MYO15A: variants seen among roughly 807,000 people sequenced by gnomAD.
The protein encoded by MYO15A is myosin XVA, also known as unconventional myosin-XV.
MYO15A carries 308 observed loss-of-function variants against 394.6 expected under a neutral mutation model. The observed-to-expected ratio is 0.78, with a 90% CI of 0.71 to 0.86. The LOEUF (loss-of-function observed/expected upper bound fraction) is 0.86. Among genes scored for constraint, MYO15A ranks in the 40% least tolerant of loss-of-function variants. The pLI, the probability that MYO15A is intolerant of heterozygous loss-of-function variation, is 0.00. For synonymous variants in MYO15A, 1,957 were observed against 2,003.8 expected, an observed-to-expected ratio of 0.98 and a Z score of 0.62; for missense variants, 4,606 against 4,799.1, an observed-to-expected ratio of 0.96 and a Z score of 1.19.
In MYO15A at chr17:18,145,967, G is replaced by T; in HGVS notation, c.6369G>T (p.Leu2123=). Reference sequence around the variant, plus strand: ...AGAAGGGGCTGGCGGTGCCTGAGCTGCGGGATGAGATCCTGGCACAGCTGG... The same window carrying T: ...AGAAGGGGCTGGCGGTGCCTGAGCTTCGGGATGAGATCCTGGCACAGCTGG... The part of the protein sequence containing the change: ...IVQKGLAVPE[L]RDEILAQLAN... Residue 2123 remains leucine (L), a synonymous_variant, in exon 30 of 66, where the codon CTG becomes CTT. Transcript: ENST00000647165. The T allele has an allele frequency of 1.2e-6, 2 of 1,613,742 alleles. No homozygotes were observed. The highest frequency in any genetic ancestry group is 1.7e-6 in the Non-Finnish European group (2 of 1,180,026).
At chr17:18,126,935 C>T in intron 6 of MYO15A, 70 bp downstream of exon 6, 4 of 1,601,872 alleles carry the variant, frequency 2.5e-6, no homozygotes, top group Non-Finnish European at 3.4e-6. Flanking sequence ...CTGGCCAGAA[C>T]TGCTGTGGGA....
chr17:18,131,648 G>A, intron 10 of MYO15A, 117 bp downstream of exon 10: 1 of 1,219,384 alleles, frequency 8.2e-7, no homozygotes, highest in South Asian at 1.3e-5. Flanking sequence ...ACGAATACAT[G>A]CGTACATGTG....
chr17:18,148,662 T>G lies in MYO15A; in HGVS notation c.6764+94T>G, dbSNP rs974372991. The G allele has an allele frequency of 4.5e-6, 7 of 1,545,084 alleles. No individual in the cohort carries two copies. Among genetic ancestry groups the G allele is most frequent in the African/African-American group, 2.7e-5 (2 of 72,882 alleles). On this transcript the variant is annotated intron_variant, in intron 32 of 65. Coordinates refer to ENST00000647165, the MANE Select transcript of MYO15A (RefSeq NM_016239.4). This position sits in a 1 kb window ranked among gnomAD's most constrained non-coding sequence, Gnocchi z 4.8. ...CCCCAGAGGGTCCCATAGGGTCCATTCTGTTCATGTTTAGGGTCTGGCTTA... is the reference window on the plus strand; with the variant it reads ...CCCCAGAGGGTCCCATAGGGTCCATGCTGTTCATGTTTAGGGTCTGGCTTA...
intron 47 of MYO15A, 45 bp from the exon 48 acceptor site, chr17:18,156,150 G>C (rs552954434): frequency 6.2e-7 from 1 of 1,613,352 alleles, no homozygotes; most frequent in African/African-American, 1.3e-5. Context: ...GTGGAAGGAG[G>C]GCATCCCTCT....
intron 57 of MYO15A, among the ~76,000 whole-genome samples, chr17:18,161,994 G>A (rs1313547715): frequency 6.6e-6 from 1 of 152,162 alleles, no homozygotes; most frequent in Non-Finnish European, 1.5e-5. Context: ...CCGTGGAGGA[G>A]ATAGGAGACC....
At chr17:18,128,102 C>T (rs978525021) in intron 7 of MYO15A, among the ~76,000 whole-genome samples, 5 of 152,020 alleles carry the variant, frequency 3.3e-5, no homozygotes, top group Middle Eastern at 6.8e-3. Context: ...CAGGTCAAAG[C>T]CAGCCAGCAA....
chr17:18,153,831 C>G lies in MYO15A; in HGVS notation c.8023C>G (p.Arg2675Gly). The change falls in exon 43 of 66, where the codon CGC (arginine) becomes GGC (glycine). Residue 2675 changes from arginine (R) to glycine (G), a missense_variant. Coordinates refer to ENST00000647165, the MANE Select transcript of MYO15A (RefSeq NM_016239.4). The surrounding 1 kb of genome is among the most constrained non-coding windows in gnomAD (Gnocchi z 4.1). ...GGAACTCACGCAGACGCGGCTGCAC[C>G]GCCTCATCAATCCCAACTTCTACGG... ...PEELTQTRLHRLINPNFYGYQ... is the reference protein window; with the variant it reads ...PEELTQTRLHGLINPNFYGYQ... The G allele has an allele frequency of 1.9e-6, 3 of 1,613,622 alleles. No homozygotes were observed. The highest frequency in any genetic ancestry group is 2.5e-6 in the Non-Finnish European group (3 of 1,179,986).
chr17:18,160,897 G>C, intron 56 of MYO15A: 1 of 361,248 alleles, frequency 2.8e-6, no homozygotes, highest in Non-Finnish European at 5.4e-6. Flanking sequence ...CTCCTCACTT[G>C]CTCTCCATCT....
intron 5 of MYO15A, 58 bp downstream of exon 5, chr17:18,126,514 G>C: frequency 6.6e-7 from 1 of 1,514,900 alleles, no homozygotes; most frequent in Non-Finnish European, 9.1e-7. Flanking sequence ...CCCCTGCTCT[G>C]GGAGCCTGGA....
rs1210184332 is a variant in MYO15A at position 18,121,248 on chromosome 17, G to A, written c.2448G>A (p.Arg816=). Reference sequence around the variant, plus strand: ...CGCCCTTCCTGCCCCCGGCCCGCCGGCCCCGCTCGCTGCAGGAGTCCCCAG... The same window carrying A: ...CGCCCTTCCTGCCCCCGGCCCGCCGACCCCGCTCGCTGCAGGAGTCCCCAG... ...FQPPFLPPAR[R]PRSLQESPAP... The change falls in exon 2 of 66, where the codon CGG becomes CGA. Residue 816 remains arginine (R), a synonymous_variant. Coordinates refer to ENST00000647165, the MANE Select transcript of MYO15A (RefSeq NM_016239.4). The surrounding 1 kb of genome is among the most constrained non-coding windows in gnomAD (Gnocchi z 5.3). 5.4e-6 allele frequency: 8 copies of A among 1,471,270 alleles called. No individual in the cohort carries two copies. The highest frequency in any genetic ancestry group is 5.1e-5 in the South Asian group (4 of 79,056). The allele number at this position is 1,471,270 out of a possible 1,614,324, so 91.1% of individuals were successfully genotyped here.
intron 63 of MYO15A, 121 bp downstream of exon 63, chr17:18,171,892 C>A: frequency 6.9e-7 from 1 of 1,442,310 alleles, no homozygotes; most frequent in Non-Finnish European, 9.2e-7. Context: ...GCCAGTCAAG[C>A]TGAGCACCTG....
chr17:18,153,853 A>G lies in MYO15A; in HGVS notation c.8045A>G (p.Tyr2682Cys). Residue 2682 changes from tyrosine (Y) to cysteine (C), a missense_variant, in exon 43 of 66, where the codon TAC (tyrosine) becomes TGC (cysteine). By Grantham distance (194) the Tyr-to-Cys change is radical (BLOSUM62 -2). This residue lies in a region of MYO15A where 2,776 missense variants were observed against 3,109.3 expected (regional missense o/e 0.89). Transcript: ENST00000647165. The surrounding 1 kb of genome is among the most constrained non-coding windows in gnomAD (Gnocchi z 4.1). ...RLHRLINPNFYGYQDAPWKIF... is the reference protein window; with the variant it reads ...RLHRLINPNFCGYQDAPWKIF... The stretch of plus-strand genomic sequence containing the variant: ...CACCGCCTCATCAATCCCAACTTCT[A>G]CGGCTATCAGGACGCCCCCTGGAAG... 1 of 1,613,268 alleles carries G rather than the reference A, an allele frequency of 6.2e-7. No homozygotes were observed. Among genetic ancestry groups the G allele is most frequent in the Non-Finnish European group, 8.5e-7 (1 of 1,179,928 alleles).
chr17:18,131,206 C>T (rs1222017611), intron 8 of MYO15A, 33 bp from the exon 9 acceptor site: 1 of 1,592,694 alleles, frequency 6.3e-7, no homozygotes, highest in Non-Finnish European at 8.6e-7. Flanking sequence ...AGTGCCTAGC[C>T]CCTCAATTCC....
At position 18,139,901 on chromosome 17, in the gene MYO15A, C is replaced by T. The variant is rs1597790423; in HGVS notation, c.5211+290C>T. On this transcript the variant is annotated intron_variant, in intron 19 of 65. Coordinates refer to ENST00000647165, the MANE Select transcript of MYO15A (RefSeq NM_016239.4). ...TAACCCTGTACCCCACCAGCTGTGG[C>T]CTTGCCCTGTACTTACCCCACTCTG... Among the ~76,000 whole-genome samples, 3 of 152,246 alleles carry T rather than the reference C, an allele frequency of 2.0e-5. No individual in the cohort carries two copies. The South Asian group carries it at 6.2e-4, about 32-fold the overall frequency.
chr17:18,130,669 G>T, intron 7 of MYO15A, 136 bp from the exon 8 acceptor site: 1 of 1,478,780 alleles, frequency 6.8e-7, no homozygotes, highest in Non-Finnish European at 9.3e-7. Context: ...TGGGGTCTCT[G>T]AGCCTCACAG....
Position 18,121,131 on chromosome 17 carries a change from G to A in MYO15A, c.2331G>A (p.Gln777=). 2 of 1,509,576 alleles carry A rather than the reference G, an allele frequency of 1.3e-6. No individual in the cohort carries two copies. Among genetic ancestry groups the A allele is most frequent in the East Asian group, 2.6e-5 (1 of 37,744 alleles). The allele number at this position is 1,509,576 out of a possible 1,614,324, so 93.5% of individuals were successfully genotyped here. The change falls in exon 2 of 66, where the codon CAG becomes CAA. Residue 777 remains glutamine, a synonymous_variant. Transcript: ENST00000647165. This position sits in a 1 kb window ranked among gnomAD's most constrained non-coding sequence, Gnocchi z 5.3. ...CTTGGTCACCGCTGGCCTCGCCCCAGCCCTCGCTGAGGAGCTCGCCGGGCC... is the reference window on the plus strand; with the variant it reads ...CTTGGTCACCGCTGGCCTCGCCCCAACCCTCGCTGAGGAGCTCGCCGGGCC... ...RRAWSPLASP[Q]PSLRSSPGLG... is the part of the protein sequence containing the mutation.
Position 18,148,288 on chromosome 17 carries a change from A to C in MYO15A, c.6691+78A>C. 1 of 1,583,462 alleles carries C rather than the reference A, an allele frequency of 6.3e-7. No individual in the cohort carries two copies. On this transcript the variant is annotated intron_variant, in intron 31 of 65. Coordinates refer to ENST00000647165, the MANE Select transcript of MYO15A (RefSeq NM_016239.4). The surrounding 1 kb of genome is among the most constrained non-coding windows in gnomAD (Gnocchi z 4.8). The stretch of plus-strand genomic sequence containing the variant: ...GTGAGCCCCGGGGATGGCAGAAGCC[A>C]CTGGATGTTCTGGAGCTGGGGAGGG...
intron 19 of MYO15A, 165 bp from the exon 20 acceptor site, chr17:18,140,352 T>C: frequency 2.1e-6 from 2 of 971,756 alleles, no homozygotes; most frequent in South Asian, 1.5e-5. Flanking sequence ...CCACCTGTTT[T>C]GAGAAGCATG....
At chr17:18,159,782 A>G (rs776078160) in intron 55 of MYO15A, 103 bp downstream of exon 55, 4 of 1,490,126 alleles carry the variant, frequency 2.7e-6, no homozygotes, top group South Asian at 2.3e-5. Flanking sequence ...AACCTCTCCC[A>G]TGGTCCAAAG....
Sources: gnomAD v4.1 joint callset for allele counts (sites outside exome capture counted in the v4.1 genomes callset) on GRCh38, gnomAD v4.1.1 for gene constraint, gnomAD v4.1.1 regional missense constraint, Gnocchi (gnomAD v3.1) non-coding constraint, MANE v1.5 for transcripts, NCBI Gene and HGNC (gene_info 2026-07-23, HGNC 2026-07-21) for gene names.